Variants in KCNH1 observed in about 807,000 individuals in gnomAD.
KCNH1 encodes voltage-gated delayed rectifier potassium channel KCNH1.
In KCNH1, 27 loss-of-function variants were observed where a neutral mutation model predicts 69.2. The observed-to-expected ratio is 0.39, with a 90% CI of 0.29 to 0.54. The LOEUF (loss-of-function observed/expected upper bound fraction) is 0.54, where lower values mean the gene tolerates loss of function less well. Ranked by LOEUF, KCNH1 falls within the 20% of genes least tolerant of loss-of-function variation. The probability of loss-of-function intolerance (pLI) is 0.68; values close to 1 mark genes in which losing one functional copy is unlikely to be tolerated. For synonymous variants in KCNH1, 456 were observed against 487.7 expected, an observed-to-expected ratio of 0.93 and a Z score of 0.86; for missense variants, 798 against 1,261.6, an observed-to-expected ratio of 0.63 and a Z score of 5.57.
chr1:211,108,916 T>A (rs1312139787), intron 1 of KCNH1, among the ~76,000 whole-genome samples: 1 of 152,126 alleles, frequency 6.6e-6, no homozygotes, highest in South Asian at 2.1e-4. Flanking sequence ...TCCAGATTGA[T>A]AAGAAATGGT....
intron 5 of KCNH1, among the ~76,000 whole-genome samples, chr1:211,071,671 G>A (rs892728224): frequency 6.6e-6 from 1 of 152,118 alleles, no homozygotes; most frequent in East Asian, 1.9e-4. Flanking sequence ...AAATAGACTA[G>A]TGTCTACATA....
chr1:210,679,078 A>T lies in KCNH1; in HGVS notation c.*4203T>A, dbSNP rs1334307558. 1.3e-5 allele frequency: 2 copies of T among 152,240 alleles called. No homozygotes were observed. The highest frequency in any genetic ancestry group is 2.9e-5 in the Non-Finnish European group (2 of 68,044). 9.4% of individuals were successfully genotyped at this position (152,240 alleles called of 1,614,324 possible). Reference sequence around the variant, plus strand: ...TAGAAATTAAAACTTCTCAACATGAACACCTTTGGTGAGAAAATGTTTTTT... The same window carrying T: ...TAGAAATTAAAACTTCTCAACATGATCACCTTTGGTGAGAAAATGTTTTTT... On this transcript the variant is annotated 3_prime_UTR_variant, in exon 11 of 11. Coordinates refer to ENST00000271751, the MANE Select transcript of KCNH1 (RefSeq NM_172362.3).
chr1:210,932,724 A>C (rs571774983), intron 6 of KCNH1, among the ~76,000 whole-genome samples: 201 of 152,282 alleles, frequency 1.3e-3, no homozygotes, highest in African/African-American at 4.7e-3. Flanking sequence ...ATGTCAGATA[A>C]AATAAACTTT....
At position 210,999,064 on chromosome 1, in the gene KCNH1, A is replaced by C. The variant is rs569681021; in HGVS notation, c.1032+19719T>G. Among the ~76,000 whole-genome samples, 19 of 152,360 alleles carry C rather than the reference A, an allele frequency of 1.2e-4. No homozygotes were observed. The East Asian group carries it at 2.9e-3, about 23-fold the overall frequency. The stretch of plus-strand genomic sequence containing the variant: ...TACATGCCCACAAGAGAAAGCAGGA[A>C]AGATCTAAAATTGACACCCTGACAT... On this transcript the variant is annotated intron_variant, in intron 6 of 10. Transcript: ENST00000271751.
At chr1:211,063,222 T>C (rs983948544) in intron 5 of KCNH1, among the ~76,000 whole-genome samples, 1 of 152,194 alleles carries the variant, frequency 6.6e-6, no homozygotes, top group Non-Finnish European at 1.5e-5. Context: ...AAAGATCTCA[T>C]GTTATTAATC....
intron 1 of KCNH1, among the ~76,000 whole-genome samples, chr1:211,124,640 G>C (rs1207144491): frequency 6.6e-6 from 1 of 152,090 alleles, no homozygotes; most frequent in African/African-American, 2.4e-5. Context: ...GAGAGAGAGA[G>C]AGAGACCACT....
intron 9 of KCNH1, among the ~76,000 whole-genome samples, chr1:210,790,335 A>C (rs1039726932): frequency 4.6e-5 from 7 of 152,062 alleles, no homozygotes; most frequent in Non-Finnish European, 8.8e-5. Flanking sequence ...GCTCACCGTT[A>C]TCTCTCTCAC....
chr1:210,996,269 C>T (rs1044080686), intron 6 of KCNH1, among the ~76,000 whole-genome samples: 79 of 151,946 alleles, frequency 5.2e-4, no homozygotes, highest in Admixed American at 9.8e-4. Context: ...CCTGGAAAAT[C>T]GGGTCACTCC....
intron 7 of KCNH1, among the ~76,000 whole-genome samples, chr1:210,871,580 C>T (rs891480772): frequency 6.6e-6 from 1 of 152,110 alleles, no homozygotes. Flanking sequence ...ATAAATCATG[C>T]TGCTATAAAG....
In KCNH1 at chr1:210,869,617, G is replaced by A. The variant is rs79418824; in HGVS notation, c.1462+50023C>T. Among the ~76,000 whole-genome samples, 1,463 of 151,716 alleles carry A rather than the reference G, an allele frequency of 9.6e-3. 27 individuals are homozygous for A. Among genetic ancestry groups the A allele is most frequent in the African/African-American group, 0.034 (1,404 of 41,388 alleles). The stretch of plus-strand genomic sequence containing the variant: ...CTGGATATTGTCCTCTTTAATGGAT[G>A]TTGAACTGTGCTCTTACTGGCAGTT... On this transcript the variant is annotated intron_variant, in intron 7 of 10. Transcript: ENST00000271751.
intron 7 of KCNH1, among the ~76,000 whole-genome samples, chr1:210,869,377 G>A (rs1409761802): frequency 6.6e-6 from 1 of 151,990 alleles, no homozygotes; most frequent in Non-Finnish European, 1.5e-5. Flanking sequence ...GGACTCCAGT[G>A]ATATGCATAT....
intron 10 of KCNH1, among the ~76,000 whole-genome samples, chr1:210,725,385 T>C (rs1682563188): frequency 6.6e-6 from 1 of 152,210 alleles, no homozygotes; most frequent in African/African-American, 2.4e-5. Context: ...GATACTGCCC[T>C]ATACACCAGA....
rs1449339780 is a variant in KCNH1, at chr1:211,104,352, T to C, written c.204-750A>G. On this transcript the variant is annotated intron_variant, in intron 2 of 10. Transcript: ENST00000271751. ...AAGATGGCTGAGTAAGTTTAGACCA[T>C]AGATTTTTTTCCTTTTCTAGTTCTC... Among the ~76,000 whole-genome samples, 3 of 152,138 alleles carry C rather than the reference T, an allele frequency of 2.0e-5. No homozygotes were observed. In the East Asian group the frequency reaches 5.8e-4, roughly 29 times the overall value.
At chr1:210,826,546 T>A (rs1685035235) in intron 7 of KCNH1, among the ~76,000 whole-genome samples, 1 of 152,236 alleles carries the variant, frequency 6.6e-6, no homozygotes, top group African/African-American at 2.4e-5. Flanking sequence ...TTACCCTTCA[T>A]GTAAAGGAGA....
chr1:210,850,462 G>C (rs894001534), intron 7 of KCNH1, among the ~76,000 whole-genome samples: 7 of 152,184 alleles, frequency 4.6e-5, no homozygotes, highest in Admixed American at 1.3e-4. Flanking sequence ...AGTGAGTCGA[G>C]ATCCTGTCAC....
chr1:210,870,943 T>C (rs1373414101), intron 7 of KCNH1, among the ~76,000 whole-genome samples: 1 of 152,216 alleles, frequency 6.6e-6, no homozygotes, highest in Non-Finnish European at 1.5e-5. Flanking sequence ...ATTAGCTGGA[T>C]AGCCCCAGAC....
intron 5 of KCNH1, among the ~76,000 whole-genome samples, chr1:211,042,651 C>T: frequency 6.6e-6 from 1 of 152,156 alleles, no homozygotes; most frequent in East Asian, 1.9e-4. Flanking sequence ...TTCTACCCAA[C>T]AACCACAGAA....
At chr1:210,916,308 G>A (rs1687332188) in intron 7 of KCNH1, among the ~76,000 whole-genome samples, 1 of 152,202 alleles carries the variant, frequency 6.6e-6, no homozygotes, top group African/African-American at 2.4e-5. Context: ...TTTCTTGTTA[G>A]CACAATTTGG....
chr1:211,134,010 C>A lies in KCNH1; in HGVS notation c.-65G>T. On this transcript the variant is annotated 5_prime_UTR_variant, in exon 1 of 11. Transcript: ENST00000271751. The surrounding 1 kb of genome is among the most constrained non-coding windows in gnomAD (Gnocchi z 5.7). ...GCTTCTTACGACAGCAGGAAACTGG[C>A]CTCGGGGCCCGCACGCAGTCCCGGC... The A allele has an allele frequency of 1.4e-6, 2 of 1,425,800 alleles. No homozygotes were observed. Among genetic ancestry groups the A allele is most frequent in the South Asian group, 1.2e-5 (1 of 85,318 alleles). 88.3% of individuals were successfully genotyped at this position (1,425,800 alleles called of 1,614,324 possible). A position where few individuals can be genotyped will look rare whatever the true frequency, so the allele number is the denominator to read the frequency against.
Sources: gnomAD v4.1 joint callset for allele counts (sites outside exome capture counted in the v4.1 genomes callset) on GRCh38, gnomAD v4.1.1 for gene constraint, Gnocchi (gnomAD v3.1) non-coding constraint, MANE v1.5 for transcripts, NCBI Gene and HGNC (gene_info 2026-07-23, HGNC 2026-07-21) for gene names.